Variants in C1orf21 observed in about 807,000 individuals in gnomAD.
C1orf21 encodes uncharacterized protein C1orf21.
In C1orf21, 3 loss-of-function variants were observed where a neutral mutation model predicts 18.7. That is an observed-to-expected ratio of 0.16 (90% CI 0.07 to 0.42). The LOEUF is 0.42. C1orf21 is among the 10% of genes least tolerant of loss of function. C1orf21 has a pLI of 0.99. For synonymous variants in C1orf21, 41 were observed against 46.4 expected, an observed-to-expected ratio of 0.88 and a Z score of 0.47; for missense variants, 104 against 143.6, an observed-to-expected ratio of 0.72 and a Z score of 1.41.
chr1:184,421,636 G>A (rs1415129382), intron 1 of C1orf21, among the ~76,000 whole-genome samples: 2 of 152,030 alleles, frequency 1.3e-5, no homozygotes, highest in African/African-American at 2.4e-5. Flanking sequence ...TACTTGGGGC[G>A]GTAGAAGTTT....
chr1:184,532,101 A>G (rs1658470511), intron 3 of C1orf21, among the ~76,000 whole-genome samples: 1 of 152,014 alleles, frequency 6.6e-6, no homozygotes, highest in Non-Finnish European at 1.5e-5. Flanking sequence ...TTTCCCTAGA[A>G]AGCCAGAATT....
chr1:184,607,641 ATG>A lies in C1orf21; in HGVS notation c.327+9188_327+9189del, dbSNP rs544870124. Among the ~76,000 whole-genome samples, 849 of 151,360 alleles carry A rather than the reference ATG, an allele frequency of 5.6e-3. 5 individuals carry two copies. The highest frequency in any genetic ancestry group is 5.9e-3 in the Non-Finnish European group (400 of 67,830). On this transcript the variant is annotated intron_variant, in intron 5 of 5. Coordinates refer to ENST00000235307, the MANE Select transcript of C1orf21 (RefSeq NM_030806.4). ...CATGTGTATATACACATACATATAT[ATG>A]TGTGTGTATATATACATATATATGT...
intron 3 of C1orf21, among the ~76,000 whole-genome samples, chr1:184,585,584 C>T (rs1341918139): frequency 2.0e-5 from 3 of 152,062 alleles, no homozygotes; most frequent in Non-Finnish European, 2.9e-5. Flanking sequence ...AAGGCTAATA[C>T]CCATCAGTTA....
At chr1:184,580,924 AT>A (rs1185966810) in intron 3 of C1orf21, among the ~76,000 whole-genome samples, 1 of 151,968 alleles carries the variant, frequency 6.6e-6, no homozygotes, top group Non-Finnish European at 1.5e-5. Context: ...CTCCCTATGT[AT>A]TTTTTTCCTC....
intron 3 of C1orf21, among the ~76,000 whole-genome samples, chr1:184,588,500 CT>C (rs34550232): frequency 6.6e-6 from 1 of 152,122 alleles, no homozygotes; most frequent in African/African-American, 2.4e-5. Flanking sequence ...GGCCAAACTG[CT>C]TGGGTTCAAA....
At chr1:184,576,554 C>T (rs546743307) in intron 3 of C1orf21, among the ~76,000 whole-genome samples, 13 of 152,354 alleles carry the variant, frequency 8.5e-5, no homozygotes, top group African/African-American at 3.1e-4. Context: ...ATTGCCCTAG[C>T]CAACTGAAAT....
intron 2 of C1orf21, among the ~76,000 whole-genome samples, chr1:184,502,955 G>A (rs1028015476): frequency 6.6e-6 from 1 of 151,656 alleles, no homozygotes; most frequent in Non-Finnish European, 1.5e-5. Flanking sequence ...GTGTGCACCT[G>A]TGGTCCCAGC....
chr1:184,460,497 G>C (rs937277260), intron 1 of C1orf21, among the ~76,000 whole-genome samples: 1 of 149,162 alleles, frequency 6.7e-6, no homozygotes, highest in Admixed American at 6.9e-5. Flanking sequence ...CAAGCAGAGG[G>C]AATAAAAATG....
chr1:184,522,388 A>G (rs1388675697), intron 3 of C1orf21, among the ~76,000 whole-genome samples: 1 of 152,150 alleles, frequency 6.6e-6, no homozygotes, highest in African/African-American at 2.4e-5. Flanking sequence ...AAGCATACCC[A>G]CATCCAGATC....
Position 184,477,509 on chromosome 1 carries a change from T to C in C1orf21, c.-1T>C, listed in dbSNP as rs1250917918. ...CCGGCTGAAGCTGACCGAATGAGAC[T>C]ATGGGCTGTGCCTCCGCCAAGCATG... On this transcript the variant is annotated 5_prime_UTR_variant, in exon 2 of 6. Coordinates refer to ENST00000235307, the MANE Select transcript of C1orf21 (RefSeq NM_030806.4). The C allele has an allele frequency of 3.1e-6, 5 of 1,613,700 alleles. No homozygotes were observed. Among genetic ancestry groups the C allele is most frequent in the Non-Finnish European group, 4.2e-6 (5 of 1,179,710 alleles).
At chr1:184,616,887 G>A (rs935260077) in intron 5 of C1orf21, among the ~76,000 whole-genome samples, 3 of 152,180 alleles carry the variant, frequency 2.0e-5, no homozygotes, top group Non-Finnish European at 4.4e-5. Flanking sequence ...TGCCGTAGAA[G>A]TTTTATTCAT....
chr1:184,443,944 C>T (rs149690064), intron 1 of C1orf21, among the ~76,000 whole-genome samples: 3 of 152,230 alleles, frequency 2.0e-5, no homozygotes, highest in African/African-American at 7.2e-5. Context: ...CCATAGCGAC[C>T]AGAAGCAGAT....
At chr1:184,544,915 T>G (rs1234821063) in intron 3 of C1orf21, among the ~76,000 whole-genome samples, 1 of 152,174 alleles carries the variant, frequency 6.6e-6, no homozygotes, top group Admixed American at 6.5e-5. Context: ...GTGGCCTGAG[T>G]GCCTTTATGA....
rs1225082025 is a variant in C1orf21 at position 184,567,004 on chromosome 1, A to G, written c.190-23735A>G. On this transcript the variant is annotated intron_variant, in intron 3 of 5. Transcript: ENST00000235307. ...CAGATGGCAATCCAAAGACTGTGGA[A>G]TATAACCTGGGAACTTGAAGAGACG... is the stretch of plus-strand genomic sequence containing the variant. The G allele has an allele frequency of 4.8e-5, 25 of 524,624 alleles. No homozygotes were observed. The Admixed American group carries it at 4.9e-4, about 10-fold the overall frequency. 32.5% of individuals were successfully genotyped at this position (524,624 alleles called of 1,614,324 possible).
At chr1:184,482,283 T>C (rs1249405693) in intron 2 of C1orf21, among the ~76,000 whole-genome samples, 1 of 152,162 alleles carries the variant, frequency 6.6e-6, no homozygotes, top group Non-Finnish European at 1.5e-5. Context: ...AGCCAAACTT[T>C]TCAGCCCGGC....
chr1:184,525,503 T>A (rs1658365825), intron 3 of C1orf21, among the ~76,000 whole-genome samples: 1 of 152,096 alleles, frequency 6.6e-6, no homozygotes, highest in African/African-American at 2.4e-5. Flanking sequence ...GACTGTATAA[T>A]CAAAAGCCAT....
At chr1:184,619,452 A>G (rs1020711219) in intron 5 of C1orf21, 66 bp from the exon 6 acceptor site, 2 of 1,535,808 alleles carry the variant, frequency 1.3e-6, no homozygotes, top group Non-Finnish European at 1.8e-6. Flanking sequence ...ATTGATTACA[A>G]GTAACTATTT....
At chr1:184,425,687 C>T (rs1333200532) in intron 1 of C1orf21, among the ~76,000 whole-genome samples, 1 of 152,186 alleles carries the variant, frequency 6.6e-6, no homozygotes, top group Non-Finnish European at 1.5e-5. Flanking sequence ...CCTTTCCTCC[C>T]CTCTGTCACC....
At chr1:184,596,547 C>T (rs957782882) in intron 4 of C1orf21, among the ~76,000 whole-genome samples, 2 of 152,122 alleles carry the variant, frequency 1.3e-5, no homozygotes, top group East Asian at 1.9e-4. Context: ...CATATACATA[C>T]GGTTATCTAT....
Sources: gnomAD v4.1 joint callset for allele counts (sites outside exome capture counted in the v4.1 genomes callset) on GRCh38, gnomAD v4.1.1 for gene constraint, MANE v1.5 for transcripts, NCBI Gene and HGNC (gene_info 2026-07-23, HGNC 2026-07-21) for gene names.